Variants in CNTN4 observed in about 807,000 individuals in gnomAD.
The protein encoded by CNTN4 is contactin-4.
CNTN4 carries 77 observed loss-of-function variants against 122.5 expected under a neutral mutation model. The ratio of observed to expected loss-of-function variants is 0.63; its 90% CI spans 0.52 to 0.76. The LOEUF is 0.76. Ranked by LOEUF, CNTN4 falls within the 30% of genes least tolerant of loss-of-function variation. The pLI is 0.00. For synonymous variants in CNTN4, 512 were observed against 447.0 expected (o/e 1.15, Z -1.83); for missense variants, 1,256 against 1,259.1 (o/e 1.00, Z 0.04).
intron 2 of CNTN4, among the ~76,000 whole-genome samples, chr3:2,109,977 T>G (rs2032817014): frequency 6.6e-6 from 1 of 152,260 alleles, no homozygotes; most frequent in Non-Finnish European, 1.5e-5. Flanking sequence ...TCTAGAATTC[T>G]TGGATCTAAG....
At chr3:2,215,955 A>G (rs1188822869) in intron 2 of CNTN4, among the ~76,000 whole-genome samples, 1 of 151,442 alleles carries the variant, frequency 6.6e-6, no homozygotes, top group African/African-American at 2.4e-5. Context: ...AAATTAGTTC[A>G]ACCATTGTGA....
intron 6 of CNTN4, among the ~76,000 whole-genome samples, chr3:2,797,159 C>A (rs1210161985): frequency 6.6e-6 from 1 of 152,138 alleles, no homozygotes; most frequent in African/African-American, 2.4e-5. Flanking sequence ...CACCACCATG[C>A]CCAACTAATT....
intron 4 of CNTN4, among the ~76,000 whole-genome samples, chr3:2,674,988 C>CT (rs1341039367): frequency 2.0e-5 from 3 of 152,080 alleles, no homozygotes; most frequent in Non-Finnish European, 4.4e-5. Context: ...TGGTATTTAT[C>CT]TTTCAAATAT....
intron 2 of CNTN4, among the ~76,000 whole-genome samples, chr3:2,337,203 A>T (rs1410265361): frequency 6.6e-6 from 1 of 152,126 alleles, no homozygotes; most frequent in African/African-American, 2.4e-5. Context: ...AAATGCATTC[A>T]TGATATGTTA....
chr3:2,951,182 G>A (rs528873038), intron 13 of CNTN4, among the ~76,000 whole-genome samples: 6 of 152,142 alleles, frequency 3.9e-5, no homozygotes, highest in Non-Finnish European at 8.8e-5. Context: ...AAAAAGGGAA[G>A]TCATATAGAC....
chr3:2,564,605 T>C (rs1297825275), intron 3 of CNTN4, among the ~76,000 whole-genome samples: 1 of 152,152 alleles, frequency 6.6e-6, no homozygotes, highest in Non-Finnish European at 1.5e-5. Flanking sequence ...CTTCTATTCA[T>C]GAGGAAACTT....
At chr3:2,391,089 T>A (rs1360691746) in intron 3 of CNTN4, among the ~76,000 whole-genome samples, 1 of 152,184 alleles carries the variant, frequency 6.6e-6, no homozygotes, top group Non-Finnish European at 1.5e-5. Context: ...ATGGGCTCAG[T>A]ACTGACCTTC....
At chr3:2,163,807 A>T (rs12496995) in intron 2 of CNTN4, among the ~76,000 whole-genome samples, 13,394 of 152,264 alleles carry the variant, frequency 0.088, 1,132 homozygotes, top group East Asian at 0.31. Context: ...ATAATCTCAC[A>T]CAAGTCAAAA....
Position 3,057,795 on chromosome 3 carries a change from A to G in CNTN4, c.*1575A>G, listed in dbSNP as rs1456725534. 2 of 152,400 alleles carry G rather than the reference A, an allele frequency of 1.3e-5. No individual in the cohort carries two copies. The highest frequency in any genetic ancestry group is 3.8e-4 in the East Asian group (2 of 5,198). The allele number at this position is 152,400 out of a possible 1,614,324, so 9.4% of individuals were successfully genotyped here. On this transcript the variant is annotated 3_prime_UTR_variant, in exon 25 of 25. Transcript: ENST00000418658. ...TATGGTTACTTCTATGTTGAAATAA[A>G]ATTTAAAATCACATGCAAAAAAAAA...
intron 14 of CNTN4, among the ~76,000 whole-genome samples, chr3:3,002,120 G>C (rs1248078598): frequency 1.3e-5 from 2 of 152,190 alleles, no homozygotes; most frequent in East Asian, 3.8e-4. Context: ...TAGGGAGAGT[G>C]TAGATTAATG....
At chr3:2,704,610 C>T (rs957415222) in intron 4 of CNTN4, among the ~76,000 whole-genome samples, 28 of 152,120 alleles carry the variant, frequency 1.8e-4, no homozygotes, top group African/African-American at 6.0e-4. Flanking sequence ...TTCTCTTGAA[C>T]AGGCATCAGA....
chr3:2,112,545 T>G (rs973093682), intron 2 of CNTN4, among the ~76,000 whole-genome samples: 3 of 152,184 alleles, frequency 2.0e-5, no homozygotes, highest in Non-Finnish European at 4.4e-5. Context: ...CTTTCAAGAA[T>G]GAAACATTGG....
At chr3:2,830,042 T>G (rs2093069035) in intron 7 of CNTN4, among the ~76,000 whole-genome samples, 1 of 152,218 alleles carries the variant, frequency 6.6e-6, no homozygotes, top group Admixed American at 6.5e-5. Flanking sequence ...AATAATAATT[T>G]GGCTAAAAAA....
chr3:2,265,918 G>A (rs2041025571), intron 2 of CNTN4, among the ~76,000 whole-genome samples: 1 of 151,842 alleles, frequency 6.6e-6, no homozygotes, highest in African/African-American at 2.4e-5. Flanking sequence ...TGTTGATTTT[G>A]TATTCTGCAA....
At chr3:2,319,275 T>C (rs1052491453) in intron 2 of CNTN4, among the ~76,000 whole-genome samples, 68 of 151,296 alleles carry the variant, frequency 4.5e-4, no homozygotes, top group African/African-American at 1.6e-3. Context: ...TACACATCTG[T>C]AATATCCAGA....
chr3:2,315,596 C>G (rs2043070958), intron 2 of CNTN4, among the ~76,000 whole-genome samples: 1 of 151,646 alleles, frequency 6.6e-6, no homozygotes, highest in Non-Finnish European at 1.5e-5. Flanking sequence ...AAAAAGGTTA[C>G]TGAAATATGT....
intron 13 of CNTN4, among the ~76,000 whole-genome samples, chr3:2,946,645 A>C (rs996443441): frequency 4.0e-5 from 6 of 150,844 alleles, no homozygotes; most frequent in Non-Finnish European, 8.8e-5. Flanking sequence ...TATAATCCAG[A>C]CTTCGGACAT....
chr3:2,198,712 G>A (rs1469636216), intron 2 of CNTN4, among the ~76,000 whole-genome samples: 1 of 152,084 alleles, frequency 6.6e-6, no homozygotes, highest in Admixed American at 6.6e-5. Flanking sequence ...GACTTAATCT[G>A]CTTCATTTTG....
chr3:2,552,987 C>T (rs143941527), intron 3 of CNTN4, among the ~76,000 whole-genome samples: 1 of 152,240 alleles, frequency 6.6e-6, no homozygotes, highest in Non-Finnish European at 1.5e-5. Context: ...ACCATTTGAC[C>T]TCCTTGGCAA....
Sources: allele counts gnomAD v4.1 joint callset (sites outside exome capture counted in the v4.1 genomes callset), GRCh38; gene constraint gnomAD v4.1.1; transcripts MANE v1.5; gene names NCBI Gene and HGNC (gene_info 2026-07-23, HGNC 2026-07-21).